The following CNTN4 variants were observed in gnomAD, a reference collection of about 807,000 sequenced individuals.
The protein encoded by CNTN4 is contactin 4.
CNTN4 carries 77 observed loss-of-function variants against 122.5 expected under a neutral mutation model. The ratio of observed to expected loss-of-function variants is 0.63; its 90% CI spans 0.52 to 0.76. The LOEUF (loss-of-function observed/expected upper bound fraction) is 0.76, where lower values mean the gene tolerates loss of function less well. Among genes scored for constraint, CNTN4 ranks in the 30% least tolerant of loss-of-function variants. CNTN4 has a pLI of 0.00. For synonymous variants in CNTN4, 512 were observed against 447.0 expected (o/e 1.15, Z -1.83); for missense variants, 1,256 against 1,259.1 (o/e 1.00, Z 0.04).
At chr3:2,930,289 A>G (rs1176068253) in intron 13 of CNTN4, among the ~76,000 whole-genome samples, 1 of 152,182 alleles carries the variant, frequency 6.6e-6, no homozygotes, top group East Asian at 1.9e-4. Context: ...CTCCACAGAA[A>G]AGGATGATGA....
intron 2 of CNTN4, among the ~76,000 whole-genome samples, chr3:2,213,230 T>G (rs1368867345): frequency 1.3e-5 from 2 of 152,122 alleles, no homozygotes; most frequent in Non-Finnish European, 2.9e-5. Flanking sequence ...AATGAGATGT[T>G]TTGTCTAACT....
At chr3:2,608,259 C>T (rs1257186729) in intron 4 of CNTN4, among the ~76,000 whole-genome samples, 2 of 152,190 alleles carry the variant, frequency 1.3e-5, no homozygotes, top group Non-Finnish European at 2.9e-5. Flanking sequence ...CCCAGGTGCC[C>T]AAGTCCACTT....
intron 2 of CNTN4, among the ~76,000 whole-genome samples, chr3:2,142,726 T>C (rs1396294333): frequency 2.6e-5 from 4 of 152,080 alleles, no homozygotes; most frequent in Non-Finnish European, 5.9e-5. Flanking sequence ...CTGCAAATGA[T>C]AGAAGAACAA....
At chr3:2,222,999 C>T (rs1235956258) in intron 2 of CNTN4, among the ~76,000 whole-genome samples, 1 of 152,180 alleles carries the variant, frequency 6.6e-6, no homozygotes, top group Non-Finnish European at 1.5e-5. Flanking sequence ...AGGGAAGTCA[C>T]ATTGCTTGTG....
intron 4 of CNTN4, among the ~76,000 whole-genome samples, chr3:2,630,628 A>C (rs2080098152): frequency 1.3e-5 from 2 of 152,070 alleles, no homozygotes; most frequent in Admixed American, 1.3e-4. Context: ...AATATTGTTA[A>C]ATCTTCTTCT....
At chr3:2,783,656 GA>G (rs1372272198) in intron 6 of CNTN4, among the ~76,000 whole-genome samples, 2 of 152,180 alleles carry the variant, frequency 1.3e-5, no homozygotes, top group African/African-American at 4.8e-5. Context: ...TTTTAGTGGT[GA>G]AATGTTTGCA....
intron 4 of CNTN4, among the ~76,000 whole-genome samples, chr3:2,672,212 G>T (rs920208025): frequency 3.9e-5 from 6 of 152,226 alleles, no homozygotes; most frequent in Admixed American, 3.3e-4. Flanking sequence ...GCCCCCAGTG[G>T]TGGAGTCTAC....
At chr3:2,769,322 G>C (rs527927362) in intron 6 of CNTN4, among the ~76,000 whole-genome samples, 120 of 152,014 alleles carry the variant, frequency 7.9e-4, no homozygotes, top group African/African-American at 2.8e-3. Context: ...ACAATTAGTC[G>C]GGCGTGGTGG....
At chr3:2,784,983 ACT>A (rs1311256236) in intron 6 of CNTN4, among the ~76,000 whole-genome samples, 1 of 152,000 alleles carries the variant, frequency 6.6e-6, no homozygotes, top group African/African-American at 2.4e-5. Context: ...GCTTGGATAT[ACT>A]CTGAAAACTT....
intron 4 of CNTN4, among the ~76,000 whole-genome samples, chr3:2,649,057 A>T (rs2083253486): frequency 6.6e-6 from 1 of 152,202 alleles, no homozygotes; most frequent in Admixed American, 6.5e-5. Flanking sequence ...AGAGGCCTGG[A>T]AGCTGCAGAA....
At chr3:2,926,592 A>G (rs1249524853) in intron 13 of CNTN4, among the ~76,000 whole-genome samples, 1 of 152,184 alleles carries the variant, frequency 6.6e-6, no homozygotes, top group African/African-American at 2.4e-5. Context: ...AGCTGTATAT[A>G]TAATGATTTT....
intron 6 of CNTN4, among the ~76,000 whole-genome samples, chr3:2,778,242 AAATAAAT>A (rs1254271252): frequency 3.7e-5 from 5 of 135,750 alleles, no homozygotes; most frequent in Non-Finnish European, 6.6e-5. Context: ...ATAAATAAAT[AAATAAAT>A]AAATAAAATA....
chr3:2,202,508 C>T (rs780600954), intron 2 of CNTN4, among the ~76,000 whole-genome samples: 2 of 152,020 alleles, frequency 1.3e-5, no homozygotes, highest in Non-Finnish European at 2.9e-5. Context: ...CTATTAGAAC[C>T]CTACTCAAGA....
chr3:2,446,053 A>C (rs898965066), intron 3 of CNTN4, among the ~76,000 whole-genome samples: 1 of 152,192 alleles, frequency 6.6e-6, no homozygotes, highest in Non-Finnish European at 1.5e-5. Flanking sequence ...CAGATGAATG[A>C]GTGAATATTT....
At chr3:2,303,496 A>G (rs952197338) in intron 2 of CNTN4, among the ~76,000 whole-genome samples, 9 of 152,154 alleles carry the variant, frequency 5.9e-5, no homozygotes, top group African/African-American at 1.7e-4. Flanking sequence ...ATTGGTTTTT[A>G]AGGTTCACCA....
In CNTN4 at chr3:2,961,231, CAAAA is replaced by C. The variant is rs59790353; in HGVS notation, c.1359-27098_1359-27095del. ...GGCGACAGAACGAGACTCCATCTCACAAAAAAAAAAAAAAAAAAAGGCCTACTGA... is the reference window on the plus strand; with the variant it reads ...GGCGACAGAACGAGACTCCATCTCACAAAAAAAAAAAAAAAGGCCTACTGA... On this transcript the variant is annotated intron_variant, in intron 13 of 24. Coordinates refer to ENST00000418658, the MANE Select transcript of CNTN4 (RefSeq NM_175607.3). 4.3e-4 allele frequency among the ~76,000 whole-genome samples: 16 copies of C among 37,248 alleles called. 1 individual carries two copies. In the East Asian group the frequency reaches 0.017, roughly 41 times the overall value. 24.4% of individuals were successfully genotyped at this position (37,248 alleles called of 152,430 possible). A position where few individuals can be genotyped will look rare whatever the true frequency, so the allele number is the denominator to read the frequency against.
chr3:2,642,648 A>C lies in CNTN4; in HGVS notation c.55+71090A>C, dbSNP rs371073703. 4.8e-4 allele frequency among the ~76,000 whole-genome samples: 73 copies of C among 152,268 alleles called. No homozygotes were observed. In the South Asian group the frequency reaches 0.014, roughly 29 times the overall value. On this transcript the variant is annotated intron_variant, in intron 4 of 24. Coordinates refer to ENST00000418658, the MANE Select transcript of CNTN4 (RefSeq NM_175607.3). ...CTTGTGTATATTGGTATTATAGCCA[A>C]ATCTAATATGTGTAGCTTCCCTGTA...
rs545173140 is a variant in CNTN4, at chr3:2,165,227, G to T, written c.-145+64588G>T. On this transcript the variant is annotated intron_variant, in intron 2 of 24. Coordinates refer to ENST00000418658, the MANE Select transcript of CNTN4 (RefSeq NM_175607.3). ...AATCCCAGCTACTCCAGAGGCTGAG[G>T]CAGGAGAATTGCTTGAACCCAGGAG... Among the ~76,000 whole-genome samples the T allele has an allele frequency of 3.9e-5, 6 of 152,040 alleles. 1 individual carries two copies. The South Asian group carries it at 1.0e-3, about 26-fold the overall frequency.
intron 2 of CNTN4, among the ~76,000 whole-genome samples, chr3:2,215,956 A>T (rs1399145677): frequency 1.3e-5 from 2 of 150,688 alleles, no homozygotes. Context: ...AATTAGTTCA[A>T]CCATTGTGAA....
Sources: gnomAD v4.1 joint callset for allele counts (sites outside exome capture counted in the v4.1 genomes callset) on GRCh38, gnomAD v4.1.1 for gene constraint, MANE v1.5 for transcripts, NCBI Gene and HGNC (gene_info 2026-07-23, HGNC 2026-07-21) for gene names.